The following C9orf72 variants were observed in gnomAD, a reference collection of about 807,000 sequenced individuals.
C9orf72 encodes guanine nucleotide exchange factor C9orf72.
A neutral mutation model predicts 51.6 loss-of-function variants in C9orf72; 44 were observed. That is an observed-to-expected ratio of 0.85 (90% CI 0.67 to 1.10). The LOEUF (loss-of-function observed/expected upper bound fraction) is 1.10, where lower values mean the gene tolerates loss of function less well. Ranked by LOEUF, C9orf72 falls within the 50% of genes least tolerant of loss-of-function variation. The pLI, the probability that C9orf72 is intolerant of heterozygous loss-of-function variation, is 0.00. For synonymous variants in C9orf72, 213 were observed against 194.2 expected (o/e 1.10, Z -0.81); for missense variants, 607 against 570.6 (o/e 1.06, Z -0.65).
At chr9:27,555,839 A>G (rs1018102235) in intron 8 of C9orf72, among the ~76,000 whole-genome samples, 6 of 152,146 alleles carry the variant, frequency 3.9e-5, no homozygotes, top group Non-Finnish European at 8.8e-5. Flanking sequence ...CTGTTCTTAC[A>G]GGCATGAGCT....
At position 27,566,908 on chromosome 9, in the gene C9orf72, G is replaced by A. The variant is rs1819480570; in HGVS notation, c.213C>T (p.Ile71=). 1 of 1,613,836 alleles carries A rather than the reference G, an allele frequency of 6.2e-7. No individual in the cohort carries two copies. The highest frequency in any genetic ancestry group is 1.1e-5 in the South Asian group (1 of 91,080). The change falls in exon 2 of 11, where the codon ATC becomes ATT. Residue 71 remains isoleucine (I), a synonymous_variant. Transcript: ENST00000380003. ...FLANHTLNGE[I]LRNAESGAID... Reference sequence around the variant, plus strand: ...TAGCACCACTCTCTGCATTTCGAAGGATTTCTCCATTTAGAGTGTGGTTGG... The same window carrying A: ...TAGCACCACTCTCTGCATTTCGAAGAATTTCTCCATTTAGAGTGTGGTTGG...
intron 6 of C9orf72, chr9:27,559,643 T>G (rs1327640303): frequency 6.6e-6 from 1 of 152,282 alleles, no homozygotes. Context: ...TCTTTCTAAC[T>G]AATGGTCAGT....
chr9:27,567,188 A>C, intron 1 of C9orf72, 24 bp from the exon 2 acceptor site: 8 of 1,313,082 alleles, frequency 6.1e-6, no homozygotes, highest in Middle Eastern at 1.9e-4. Context: ...TATGAAACCA[A>C]TGATTAGGTT....
intron 7 of C9orf72, among the ~76,000 whole-genome samples, chr9:27,558,216 T>A (rs1417972893): frequency 1.3e-5 from 2 of 148,708 alleles, no homozygotes; most frequent in Non-Finnish European, 3.0e-5. Context: ...GCAACCTGAT[T>A]TAAGCATGTG....
rs1406599851 is a variant in C9orf72 at position 27,550,572 on chromosome 9, G to C, written c.1149+78C>G. On this transcript the variant is annotated intron_variant, in intron 9 of 10. Coordinates refer to ENST00000380003, the MANE Select transcript of C9orf72 (RefSeq NM_018325.5). ...TGATCCAGGGGAATATAAATATATA[G>C]AACAGGCATTGTAGGATATATTAAA... The C allele has an allele frequency of 1.3e-5, 11 of 856,628 alleles. No homozygotes were observed. In the East Asian group the frequency reaches 2.8e-4, roughly 22 times the overall value. The allele number at this position is 856,628 out of a possible 1,614,324, so 53.1% of individuals were successfully genotyped here. A position where few individuals can be genotyped will look rare whatever the true frequency, so the allele number is the denominator to read the frequency against.
chr9:27,569,445 T>C (rs920126605), intron 1 of C9orf72, among the ~76,000 whole-genome samples: 1 of 152,186 alleles, frequency 6.6e-6, no homozygotes, highest in Non-Finnish European at 1.5e-5. Flanking sequence ...ATACCATACT[T>C]TTACTGTACC....
intron 7 of C9orf72, among the ~76,000 whole-genome samples, chr9:27,557,906 G>C (rs987032755): frequency 6.6e-6 from 1 of 151,686 alleles, no homozygotes; most frequent in African/African-American, 2.4e-5. Context: ...ATTTCTTCAC[G>C]TCTTGGGACT....
At chr9:27,548,514 A>C (rs2305045) in intron 10 of C9orf72, 43 bp downstream of exon 10, 33,867 of 1,476,628 alleles carry the variant, frequency 0.023, 2,097 homozygotes, top group Admixed American at 0.19. Context: ...AAACAAAAAA[A>C]CAATGTACAA....
intron 2 of C9orf72, among the ~76,000 whole-genome samples, chr9:27,565,803 A>G (rs901438792): frequency 6.6e-6 from 1 of 152,152 alleles, no homozygotes; most frequent in Non-Finnish European, 1.5e-5. Context: ...TTTATTCTGC[A>G]GTGAAAAAAA....
chr9:27,561,418 T>C (rs1357535029), intron 5 of C9orf72, 167 bp downstream of exon 5: 1 of 1,398,828 alleles, frequency 7.1e-7, no homozygotes, highest in African/African-American at 1.5e-5. Flanking sequence ...TATATAGAAA[T>C]ATAATGAGTG....
intron 1 of C9orf72, chr9:27,571,252 A>G (rs1394492730): frequency 1.3e-5 from 2 of 152,354 alleles, no homozygotes; most frequent in Non-Finnish European, 2.9e-5. Context: ...AGGTTTCCCA[A>G]TACACTTTCT....
At chr9:27,566,264 G>A (rs1184070856) in intron 2 of C9orf72, among the ~76,000 whole-genome samples, 1 of 152,146 alleles carries the variant, frequency 6.6e-6, no homozygotes, top group Non-Finnish European at 1.5e-5. Flanking sequence ...TTGGCAAAGA[G>A]GTTAAAGAGA....
chr9:27,571,800 G>C (rs960152097), intron 1 of C9orf72, among the ~76,000 whole-genome samples: 1 of 152,140 alleles, frequency 6.6e-6, no homozygotes, highest in Non-Finnish European at 1.5e-5. Flanking sequence ...CCAGCCCAAA[G>C]AGAAGCAGGA....
At chr9:27,548,688 C>CA (rs747091754) in intron 9 of C9orf72, 22 bp from the exon 10 acceptor site, 1 of 1,373,250 alleles carries the variant, frequency 7.3e-7, no homozygotes, top group East Asian at 2.3e-5. Flanking sequence ...GGAACCATTT[C>CA]AACACATAAT....
At chr9:27,562,254 A>C (rs982794225) in intron 4 of C9orf72, 127 bp downstream of exon 4, 1 of 388,098 alleles carries the variant, frequency 2.6e-6, no homozygotes, top group Non-Finnish European at 4.5e-6. Context: ...AAAGTGGCTA[A>C]TACTGTATGT....
rs931251783 is a variant in C9orf72, at chr9:27,547,036, G to A, written c.*1200C>T. Reference sequence around the variant, plus strand: ...TGTGTAACTACAATGTCAACATTGTGTTAGAATTATATTAATCAGTTATTT... The same window carrying A: ...TGTGTAACTACAATGTCAACATTGTATTAGAATTATATTAATCAGTTATTT... On this transcript the variant is annotated 3_prime_UTR_variant, in exon 11 of 11. Transcript: ENST00000380003. The A allele has an allele frequency of 2.0e-5, 3 of 152,524 alleles. 1 individual carries two copies. The allele number at this position is 152,524 out of a possible 1,614,324, so 9.4% of individuals were successfully genotyped here. A position where few individuals can be genotyped will look rare whatever the true frequency, so the allele number is the denominator to read the frequency against.
At chr9:27,555,722 C>T (rs1820995043) in intron 8 of C9orf72, among the ~76,000 whole-genome samples, 1 of 151,794 alleles carries the variant, frequency 6.6e-6, no homozygotes, top group Non-Finnish European at 1.5e-5. Context: ...AAACACATTC[C>T]AATAATTCTT....
chr9:27,547,302 T>G lies in C9orf72; in HGVS notation c.*934A>C, dbSNP rs1008776492. 6.6e-6 allele frequency: 1 copy of G among 152,626 alleles called. No individual in the cohort carries two copies. The highest frequency in any genetic ancestry group is 2.4e-5 in the African/African-American group (1 of 41,442). 9.5% of individuals were successfully genotyped at this position (152,626 alleles called of 1,614,324 possible). On this transcript the variant is annotated 3_prime_UTR_variant, in exon 11 of 11. Transcript: ENST00000380003. ...TAGTTAGTATATTCTCTAAGGCATT[T>G]TATAATCTCAGAGTTGCAATGATTG...
chr9:27,562,240 T>G (rs1234042832), intron 4 of C9orf72, 141 bp downstream of exon 4: 6 of 369,984 alleles, frequency 1.6e-5, no homozygotes, highest in African/African-American at 1.3e-4. Context: ...TGTGCTTATT[T>G]GCTAAAGTGG....
Sources: allele counts gnomAD v4.1 joint callset (sites outside exome capture counted in the v4.1 genomes callset), GRCh38; gene constraint gnomAD v4.1.1; transcripts MANE v1.5; gene names NCBI Gene and HGNC (gene_info 2026-07-23, HGNC 2026-07-21).